IL21R: variants seen among roughly 807,000 people sequenced by gnomAD.
IL21R encodes interleukin 21 receptor, also known as interleukin-21 receptor.
A neutral mutation model predicts 41.3 loss-of-function variants in IL21R; 14 were observed. The observed-to-expected ratio is 0.34, with a 90% CI of 0.22 to 0.53. The LOEUF is 0.53. Among genes scored for constraint, IL21R ranks in the 20% least tolerant of loss-of-function variants. IL21R has a pLI of 0.94. For missense variants in IL21R, 588 were observed against 681.6 expected (o/e 0.86, Z 1.53); for synonymous variants, 286 against 287.6 (o/e 0.99, Z 0.05).
rs561907190 is a variant in IL21R at position 27,425,036 on chromosome 16, A to C, written c.-16-5020A>C. 3.2e-3 allele frequency among the ~76,000 whole-genome samples: 494 copies of C among 152,330 alleles called. 1 individual carries two copies. Among genetic ancestry groups the C allele is most frequent in the Non-Finnish European group, 2.5e-3 (173 of 68,026 alleles). On this transcript the variant is annotated intron_variant, in intron 1 of 8. Transcript: ENST00000337929. Reference sequence around the variant, plus strand: ...ATCACCAAGCGGATGGCACTAAGCCATTCATGAGAAATCCGCCCCCATGAT... The same window carrying C: ...ATCACCAAGCGGATGGCACTAAGCCCTTCATGAGAAATCCGCCCCCATGAT...
rs777922154 is a variant in IL21R, at chr16:27,448,872, G to T, written c.1206G>T (p.Leu402=). ...CSCEDDGYPA[L]DLDAGLEPSP... is the part of the protein sequence containing the mutation. ...GTGAGGATGACGGCTACCCAGCCCT[G>T]GACCTGGATGCTGGCCTGGAGCCCA... Residue 402 remains leucine (L), a synonymous_variant, in exon 9 of 9, where the codon CTG becomes CTT. Coordinates refer to ENST00000337929, the MANE Select transcript of IL21R (RefSeq NM_181078.3). 6.2e-7 allele frequency: 1 copy of T among 1,612,630 alleles called. No homozygotes were observed. Among genetic ancestry groups the T allele is most frequent in the Non-Finnish European group, 8.5e-7 (1 of 1,179,658 alleles).
intron 2 of IL21R, among the ~76,000 whole-genome samples, chr16:27,432,068 T>C (rs1429634161): frequency 6.6e-6 from 1 of 152,216 alleles, no homozygotes; most frequent in Non-Finnish European, 1.5e-5. Flanking sequence ...CATCAATAAT[T>C]CATTCAGGGG....
intron 4 of IL21R, among the ~76,000 whole-genome samples, chr16:27,438,163 G>A (rs1488284600): frequency 6.6e-6 from 1 of 152,156 alleles, no homozygotes; most frequent in East Asian, 1.9e-4. Context: ...CTGCCCATCT[G>A]TGTGACCATG....
intron 1 of IL21R, among the ~76,000 whole-genome samples, chr16:27,424,084 C>CTT (rs202213470): frequency 6.6e-6 from 1 of 151,612 alleles, no homozygotes; most frequent in African/African-American, 2.4e-5. Flanking sequence ...TCTTCTTTTT[C>CTT]TTTTTTTTGA....
At chr16:27,447,350 C>T (rs757583220) in intron 8 of IL21R, among the ~76,000 whole-genome samples, 1 of 152,008 alleles carries the variant, frequency 6.6e-6, no homozygotes, top group Non-Finnish European at 1.5e-5. Context: ...AACTGAGGCA[C>T]CGAGAGGGTA....
chr16:27,447,450 G>A (rs1421356970), intron 8 of IL21R, among the ~76,000 whole-genome samples: 1 of 152,092 alleles, frequency 6.6e-6, no homozygotes, highest in Non-Finnish European at 1.5e-5. Context: ...TTTTGAGGAA[G>A]ATGAGCTCAA....
intron 1 of IL21R, among the ~76,000 whole-genome samples, chr16:27,414,072 A>G (rs1321703897): frequency 1.3e-5 from 2 of 151,836 alleles, no homozygotes; most frequent in African/African-American, 4.8e-5. Context: ...TATGTTAATT[A>G]GCACCTCTAG....
intron 8 of IL21R, among the ~76,000 whole-genome samples, chr16:27,447,148 A>G (rs543927904): frequency 2.2e-4 from 33 of 152,320 alleles, no homozygotes; most frequent in Non-Finnish European, 5.9e-5. Flanking sequence ...CCCAACCCAC[A>G]TAAGACCCAC....
chr16:27,403,689 CT>C (rs576962268), intron 1 of IL21R, among the ~76,000 whole-genome samples: 491 of 152,274 alleles, frequency 3.2e-3, no homozygotes, highest in Non-Finnish European at 6.1e-3. Context: ...CCTAATGGCC[CT>C]TTTCCTTTGA....
At chr16:27,410,576 C>T (rs1286203666) in intron 1 of IL21R, among the ~76,000 whole-genome samples, 3 of 152,100 alleles carry the variant, frequency 2.0e-5, no homozygotes, top group Non-Finnish European at 4.4e-5. Context: ...GGCTTCCTGC[C>T]TTTCTTTGCT....
intron 2 of IL21R, 102 bp from the exon 3 acceptor site, chr16:27,434,245 C>A: frequency 2.6e-6 from 2 of 767,206 alleles, no homozygotes; most frequent in Non-Finnish European, 4.5e-6. Flanking sequence ...GGCCTGGGGA[C>A]CCCTGCACCC....
chr16:27,442,127 T>A (rs532856637), intron 4 of IL21R, among the ~76,000 whole-genome samples: 2 of 152,328 alleles, frequency 1.3e-5, no homozygotes, highest in African/African-American at 4.8e-5. Flanking sequence ...GGTTTCAGAT[T>A]TCATGTGTGT....
chr16:27,402,712 AG>A (rs1426198618), intron 1 of IL21R, 94 bp downstream of exon 1: 2 of 176,660 alleles, frequency 1.1e-5, no homozygotes, highest in African/African-American at 4.7e-5. Flanking sequence ...TCACAGTGGG[AG>A]GGCTCGGAGG....
intron 1 of IL21R, among the ~76,000 whole-genome samples, chr16:27,428,203 C>T (rs2087109975): frequency 7.0e-6 from 1 of 142,488 alleles, no homozygotes. Flanking sequence ...TTCTCACAAG[C>T]CTGGAAGCAG....
intron 1 of IL21R, among the ~76,000 whole-genome samples, chr16:27,411,465 T>C (rs2086821016): frequency 7.6e-6 from 1 of 131,894 alleles, no homozygotes; most frequent in Admixed American, 7.6e-5. Context: ...TTTTTTTTTT[T>C]TTTTTTTTTT....
At chr16:27,437,962 T>G (rs1486728633) in intron 4 of IL21R, among the ~76,000 whole-genome samples, 1 of 152,160 alleles carries the variant, frequency 6.6e-6, no homozygotes, top group Admixed American at 6.5e-5. Flanking sequence ...GGTCCCCTAC[T>G]CCCTGCCCTC....
At chr16:27,418,785 CACTT>C (rs2086948650) in intron 1 of IL21R, among the ~76,000 whole-genome samples, 2 of 152,080 alleles carry the variant, frequency 1.3e-5, no homozygotes, top group South Asian at 2.1e-4. Flanking sequence ...CTTGTACTAA[CACTT>C]AAGACACAAA....
chr16:27,437,715 G>A, intron 4 of IL21R, 28 bp downstream of exon 4: 3 of 1,592,578 alleles, frequency 1.9e-6, no homozygotes, highest in Non-Finnish European at 2.6e-6. Context: ...CCAGGCTTAG[G>A]GTGGCACTCA....
intron 2 of IL21R, 32 bp from the exon 3 acceptor site, chr16:27,434,315 C>T (rs370130025): frequency 1.8e-5 from 26 of 1,413,696 alleles, no homozygotes; most frequent in Admixed American, 6.7e-5. Flanking sequence ...AGCCACCCCC[C>T]ACCAAGGCCT....
Sources: gnomAD v4.1 joint callset for allele counts (sites outside exome capture counted in the v4.1 genomes callset) on GRCh38, gnomAD v4.1.1 for gene constraint, MANE v1.5 for transcripts, NCBI Gene and HGNC (gene_info 2026-07-23, HGNC 2026-07-21) for gene names.